AIMP1: variants seen among roughly 807,000 people sequenced by gnomAD.
AIMP1 encodes the protein aminoacyl tRNA synthetase complex interacting multifunctional protein 1, also known as aminoacyl tRNA synthase complex-interacting multifunctional protein 1.
Under a neutral mutation model 33.1 loss-of-function variants are expected in AIMP1, and 24 were observed. That is an observed-to-expected ratio of 0.73 (90% CI 0.53 to 1.02). AIMP1 has a LOEUF of 1.02. Among genes scored for constraint, AIMP1 ranks in the 50% least tolerant of loss-of-function variants. AIMP1 has a pLI of 0.00. For missense variants in AIMP1, 367 were observed against 364.8 expected (o/e 1.01, Z -0.05); for synonymous variants, 120 against 121.5 (o/e 0.99, Z 0.08).
chr4:106,344,403 A>G (rs1156591225), intron 6 of AIMP1, among the ~76,000 whole-genome samples: 2 of 152,026 alleles, frequency 1.3e-5, no homozygotes, highest in Non-Finnish European at 2.9e-5. Flanking sequence ...CCATCCTCCT[A>G]GTTGCTTAAC....
chr4:106,332,711 T>G (rs1181181692), intron 5 of AIMP1, among the ~76,000 whole-genome samples: 1 of 150,722 alleles, frequency 6.6e-6, no homozygotes, highest in East Asian at 1.9e-4. Context: ...TAGATATATA[T>G]ATATATACTC....
Position 106,331,720 on chromosome 4 carries a change from C to G in AIMP1, c.440C>G (p.Ser147Cys), listed in dbSNP as rs746115559. The change falls in exon 5 of 7, where the codon TCT (serine) becomes TGT (cysteine). Residue 147 changes from serine to cysteine, a missense_variant. Ser to Cys is a moderately radical substitution (Grantham distance 112). Transcript: ENST00000672341. ...CAATCAATAGCTGGAAGTGCCGACT[C>G]TAAGCCAATAGATGTTTCCCGTCTG... ...KQQSIAGSAD[S>C]KPIDVSRLDL... 6.2e-7 allele frequency: 1 copy of G among 1,613,994 alleles called. No homozygotes were observed. The highest frequency in any genetic ancestry group is 1.1e-5 in the South Asian group (1 of 91,068).
At chr4:106,344,963 A>G (rs1366373700) in intron 6 of AIMP1, among the ~76,000 whole-genome samples, 2 of 151,154 alleles carry the variant, frequency 1.3e-5, no homozygotes, top group Admixed American at 1.3e-4. Context: ...TTTGTGCTTC[A>G]ATATCCTCAT....
At chr4:106,326,956 A>G (rs542598319) in intron 2 of AIMP1, among the ~76,000 whole-genome samples, 1 of 151,784 alleles carries the variant, frequency 6.6e-6, no homozygotes, top group Non-Finnish European at 1.5e-5. Flanking sequence ...TTTTGTATTT[A>G]TTGTAGAGAT....
At chr4:106,343,262 T>C (rs1206921507) in intron 6 of AIMP1, among the ~76,000 whole-genome samples, 2 of 152,220 alleles carry the variant, frequency 1.3e-5, no homozygotes, top group Non-Finnish European at 2.9e-5. Flanking sequence ...GTGGGATTGG[T>C]TTTAATGTCA....
At chr4:106,324,925 G>C in intron 1 of AIMP1, 60 bp from the exon 2 acceptor site, 1 of 1,386,736 alleles carries the variant, frequency 7.2e-7, no homozygotes, top group Non-Finnish European at 9.7e-7. Flanking sequence ...TTTCATAGTG[G>C]CCTATAGTAT....
chr4:106,341,253 T>G lies in AIMP1; in HGVS notation c.772+4216T>G, dbSNP rs983075641. ...TTTGCAGTGCAGAAGCTCTTCAGTT[T>G]AATCAGCTCCCACTTGTCAACTTTT... On this transcript the variant is annotated intron_variant, in intron 6 of 6. Coordinates refer to ENST00000672341, the MANE Select transcript of AIMP1 (RefSeq NM_001142416.2). Among the ~76,000 whole-genome samples the G allele has an allele frequency of 5.3e-5, 8 of 152,328 alleles. No individual in the cohort carries two copies. The South Asian group carries it at 1.7e-3, about 32-fold the overall frequency.
chr4:106,328,027 C>CA, intron 3 of AIMP1, 49 bp from the exon 4 acceptor site: 1 of 1,598,976 alleles, frequency 6.3e-7, no homozygotes, highest in Non-Finnish European at 8.5e-7. Flanking sequence ...TATTTTTTGT[C>CA]ATATTTATTG....
At position 106,348,986 on chromosome 4, in the gene AIMP1, C is replaced by T. The variant is rs915654345; in HGVS notation, c.*1294C>T. 1 of 152,018 alleles carries T rather than the reference C, an allele frequency of 6.6e-6. No homozygotes were observed. The highest frequency in any genetic ancestry group is 1.5e-5 in the Non-Finnish European group (1 of 67,982). The allele number at this position is 152,018 out of a possible 1,614,324, so 9.4% of individuals were successfully genotyped here. A position where few individuals can be genotyped will look rare whatever the true frequency, so the allele number is the denominator to read the frequency against. ...CACAAATACACACACTCACACAAAA[C>T]TCAACAACCATAAAACAACCCTGCA... On this transcript the variant is annotated 3_prime_UTR_variant, in exon 7 of 7. Coordinates refer to ENST00000672341, the MANE Select transcript of AIMP1 (RefSeq NM_001142416.2).
At position 106,321,559 on chromosome 4, in the gene AIMP1, G is replaced by GCGGCCCCGTC. The variant is rs1769244027; in HGVS notation, c.-25-3422_-25-3413dup. 2.0e-5 allele frequency: 3 copies of GCGGCCCCGTC among 152,702 alleles called. No individual in the cohort carries two copies. The East Asian group carries it at 6.0e-4, about 30-fold the overall frequency. 9.5% of individuals were successfully genotyped at this position (152,702 alleles called of 1,614,324 possible). A position where few individuals can be genotyped will look rare whatever the true frequency, so the allele number is the denominator to read the frequency against. On this transcript the variant is annotated intron_variant, in intron 1 of 6. Coordinates refer to ENST00000672341, the MANE Select transcript of AIMP1 (RefSeq NM_001142416.2). ...GAGCGTTTCCGCTTTCCGCCCGGCA[G>GCGGCCCCGTC]CGGCCCCGTCCGGGAGGTGGGGGGC... is the stretch of plus-strand genomic sequence containing the variant.
chr4:106,323,141 T>C (rs896857508), intron 1 of AIMP1, among the ~76,000 whole-genome samples: 58 of 152,344 alleles, frequency 3.8e-4, no homozygotes, highest in Non-Finnish European at 4.4e-5. Flanking sequence ...ATATGTATTA[T>C]AAAAGTCATA....
At chr4:106,324,535 T>C (rs1345265875) in intron 1 of AIMP1, among the ~76,000 whole-genome samples, 1 of 152,106 alleles carries the variant, frequency 6.6e-6, no homozygotes, top group Non-Finnish European at 1.5e-5. Flanking sequence ...TCTTTCCTAA[T>C]TGACGTTTTC....
At chr4:106,321,640 G>A (rs1322247017) in intron 1 of AIMP1, 26 of 162,034 alleles carry the variant, frequency 1.6e-4, no homozygotes, top group Admixed American at 4.6e-4. Flanking sequence ...CTGCCCGGCC[G>A]CCCCATCTGG....
At position 106,349,319 on chromosome 4, in the gene AIMP1, A is replaced by G. The variant is rs535785818; in HGVS notation, c.*1627A>G. Reference sequence around the variant, plus strand: ...TATTTCAACTACCTAGGTAGTTGAAATTTTCCCAACTAAATGTTGAAATAC... The same window carrying G: ...TATTTCAACTACCTAGGTAGTTGAAGTTTTCCCAACTAAATGTTGAAATAC... On this transcript the variant is annotated 3_prime_UTR_variant, in exon 7 of 7. Transcript: ENST00000672341. The G allele has an allele frequency of 1.9e-3, 289 of 151,846 alleles. 1 individual carries two copies. The highest frequency in any genetic ancestry group is 6.7e-3 in the African/African-American group (276 of 41,456). The allele number at this position is 151,846 out of a possible 1,614,324, so 9.4% of individuals were successfully genotyped here.
chr4:106,332,536 CAGTT>C (rs751089366), intron 5 of AIMP1, among the ~76,000 whole-genome samples: 13 of 150,766 alleles, frequency 8.6e-5, no homozygotes, highest in Non-Finnish European at 1.9e-4. Flanking sequence ...ATACAACTGT[CAGTT>C]AAGTAGTATC....
At chr4:106,343,677 A>AT (rs1381462402) in intron 6 of AIMP1, among the ~76,000 whole-genome samples, 2 of 152,188 alleles carry the variant, frequency 1.3e-5, no homozygotes, top group Non-Finnish European at 1.5e-5. Context: ...ATGGCTTTAG[A>AT]TTCATGGAGC....
intron 5 of AIMP1, among the ~76,000 whole-genome samples, chr4:106,336,637 A>T (rs2125926058): frequency 6.6e-6 from 1 of 152,310 alleles, no homozygotes. Context: ...TTTTAACTGA[A>T]ATTCCTCTGC....
intron 5 of AIMP1, among the ~76,000 whole-genome samples, chr4:106,332,630 T>C (rs371319613): frequency 8.5e-4 from 123 of 145,368 alleles, no homozygotes; most frequent in Admixed American, 1.7e-3. Context: ...TATATATATA[T>C]ACATATATAT....
intron 1 of AIMP1, among the ~76,000 whole-genome samples, chr4:106,320,659 T>TTA (rs1553999831): frequency 1.0e-4 from 11 of 107,498 alleles, no homozygotes; most frequent in African/African-American, 3.4e-4. Context: ...TGGGACAGAT[T>TTA]AAAAAAAAAA....
Sources: allele counts gnomAD v4.1 joint callset (sites outside exome capture counted in the v4.1 genomes callset), GRCh38; gene constraint gnomAD v4.1.1; transcripts MANE v1.5; gene names NCBI Gene and HGNC (gene_info 2026-07-23, HGNC 2026-07-21).